Variants in SYT14 observed in about 807,000 individuals in gnomAD.
SYT14 encodes the protein synaptotagmin-14.
A neutral mutation model predicts 74.2 loss-of-function variants in SYT14; 32 were observed. The ratio of observed to expected loss-of-function variants is 0.43; its 90% CI spans 0.33 to 0.58. The LOEUF (loss-of-function observed/expected upper bound fraction) is 0.58, where lower values mean the gene tolerates loss of function less well. Among genes scored for constraint, SYT14 ranks in the 20% least tolerant of loss-of-function variants. SYT14 has a pLI of 0.05. For synonymous variants in SYT14, 298 were observed against 337.7 expected (o/e 0.88, Z 1.29); for missense variants, 791 against 981.8 (o/e 0.81, Z 2.60).
chr1:210,051,706 C>T (rs1169986298), intron 5 of SYT14, among the ~76,000 whole-genome samples: 1 of 152,140 alleles, frequency 6.6e-6, no homozygotes, highest in Non-Finnish European at 1.5e-5. Flanking sequence ...GAAACCACTC[C>T]ATATGAATTC....
chr1:210,169,221 G>GTTTTGTTTTTTT (rs2083492384), exon 10 of SYT14: 3 of 50,248 alleles, frequency 6.0e-5, no homozygotes, highest in Admixed American at 2.2e-4. Flanking sequence ...TGTTTTTGGT[G>GTTTTGTTTTTTT]TTTTTTTTTT....
rs560094323 is a variant in SYT14 at position 210,016,531 on chromosome 1, A to G, written c.528A>G (p.Thr176=). ...TTGAAAGTACTGACAGATGTAAAAC[A>G]ATTGGAGTAGGAATTTCCAATAATG... Residue 176 remains threonine (T), a synonymous_variant, in exon 4 of 10, where the codon ACA becomes ACG. Transcript: ENST00000637265. 3 of 1,232,040 alleles carry G rather than the reference A, an allele frequency of 2.4e-6. No individual in the cohort carries two copies. In the African/African-American group the frequency reaches 4.6e-5, roughly 19 times the overall value. 76.3% of individuals were successfully genotyped at this position (1,232,040 alleles called of 1,614,324 possible).
intron 5 of SYT14, among the ~76,000 whole-genome samples, chr1:210,063,739 T>C (rs1648445302): frequency 6.6e-6 from 1 of 152,072 alleles, no homozygotes. Context: ...ACAGCTGGAA[T>C]TGGTTATTAG....
chr1:210,120,366 T>G (rs77996962), intron 7 of SYT14, among the ~76,000 whole-genome samples: 3 of 114,636 alleles, frequency 2.6e-5, no homozygotes, highest in Admixed American at 1.2e-4. Context: ...GTTTTTGCTG[T>G]TTTTTTTTTT....
intron 2 of SYT14, among the ~76,000 whole-genome samples, chr1:209,990,055 C>A (rs559978716): frequency 1.1e-4 from 16 of 152,128 alleles, no homozygotes; most frequent in African/African-American, 3.6e-4. Flanking sequence ...AAATTACAGA[C>A]CTCCTGTTTG....
chr1:210,018,907 G>A (rs1226442420), intron 4 of SYT14, among the ~76,000 whole-genome samples: 1 of 152,044 alleles, frequency 6.6e-6, no homozygotes. Flanking sequence ...GGAGGCCAAG[G>A]CGGGCAGATC....
At chr1:210,069,537 A>G (rs1395502226) in intron 5 of SYT14, among the ~76,000 whole-genome samples, 1 of 151,808 alleles carries the variant, frequency 6.6e-6, no homozygotes, top group African/African-American at 2.4e-5. Context: ...AACCTTCTTT[A>G]TGTATTTATA....
chr1:210,054,516 T>C (rs2081060281), intron 5 of SYT14, among the ~76,000 whole-genome samples: 1 of 152,200 alleles, frequency 6.6e-6, no homozygotes. Flanking sequence ...TTTTTTTAAG[T>C]CTCTTGTCTT....
At chr1:210,072,066 C>T (rs2081404801) in intron 5 of SYT14, among the ~76,000 whole-genome samples, 1 of 150,690 alleles carries the variant, frequency 6.6e-6, no homozygotes, top group Admixed American at 6.6e-5. Flanking sequence ...AACTCATTTT[C>T]TATTCAATAA....
At chr1:210,149,161 A>C (rs181669991) in intron 7 of SYT14, among the ~76,000 whole-genome samples, 1 of 151,028 alleles carries the variant, frequency 6.6e-6, no homozygotes, top group East Asian at 2.0e-4. Flanking sequence ...CATATACATA[A>C]ATTTTGATTA....
intron 7 of SYT14, among the ~76,000 whole-genome samples, chr1:210,152,488 ATTT>A (rs1228827775): frequency 6.6e-6 from 1 of 151,884 alleles, no homozygotes; most frequent in Non-Finnish European, 1.5e-5. Flanking sequence ...CTGTATATTT[ATTT>A]TTATCGTTGT....
intron 5 of SYT14, among the ~76,000 whole-genome samples, chr1:210,046,060 G>T (rs999171049): frequency 5.3e-5 from 8 of 152,094 alleles, no homozygotes; most frequent in African/African-American, 1.7e-4. Context: ...GCTTTATGGA[G>T]TTATGTTTTT....
At chr1:209,975,076 TTGC>T (rs1295326488) in intron 2 of SYT14, among the ~76,000 whole-genome samples, 1 of 152,216 alleles carries the variant, frequency 6.6e-6, no homozygotes, top group Non-Finnish European at 1.5e-5. Flanking sequence ...TCCTGAGACT[TTGC>T]TGAAGTTGCC....
chr1:210,123,822 A>G (rs773021625), intron 7 of SYT14, among the ~76,000 whole-genome samples: 3 of 152,216 alleles, frequency 2.0e-5, no homozygotes, highest in African/African-American at 2.4e-5. Flanking sequence ...AAATAAAATT[A>G]TGCAACAGAA....
At chr1:210,020,739 TAACA>T (rs2080283465) in intron 4 of SYT14, among the ~76,000 whole-genome samples, 1 of 152,206 alleles carries the variant, frequency 6.6e-6, no homozygotes, top group African/African-American at 2.4e-5. Flanking sequence ...TCCCTGTGAC[TAACA>T]AACATTATTT....
At chr1:210,023,033 A>G (rs907278706) in intron 5 of SYT14, among the ~76,000 whole-genome samples, 3 of 151,966 alleles carry the variant, frequency 2.0e-5, no homozygotes, top group Non-Finnish European at 4.4e-5. Flanking sequence ...TCACCTTCTC[A>G]TTTTATTTTA....
intron 5 of SYT14, among the ~76,000 whole-genome samples, chr1:210,026,339 G>C (rs1274663449): frequency 6.6e-6 from 1 of 151,970 alleles, no homozygotes; most frequent in Non-Finnish European, 1.5e-5. Context: ...TTTCACTCAT[G>C]CTAATTAATA....
chr1:210,048,083 G>A (rs942876242), intron 5 of SYT14, among the ~76,000 whole-genome samples: 9 of 152,160 alleles, frequency 5.9e-5, no homozygotes, highest in South Asian at 2.1e-4. Flanking sequence ...TGAATATCCT[G>A]TTCCCCAATA....
At chr1:209,999,167 GATC>G (rs762406555) in intron 2 of SYT14, among the ~76,000 whole-genome samples, 1 of 151,908 alleles carries the variant, frequency 6.6e-6, no homozygotes, top group African/African-American at 2.4e-5. Context: ...TCATATCACT[GATC>G]ATCAGGGAAA....
Sources: gnomAD v4.1 joint callset for allele counts (sites outside exome capture counted in the v4.1 genomes callset) on GRCh38, gnomAD v4.1.1 for gene constraint, MANE v1.5 for transcripts, NCBI Gene and HGNC (gene_info 2026-07-23, HGNC 2026-07-21) for gene names.